WIPF1: variants seen among roughly 807,000 people sequenced by gnomAD.
WIPF1 encodes WAS/WASL interacting protein family member 1, also known as WAS/WASL-interacting protein family member 1.
Under a neutral mutation model 35.4 loss-of-function variants are expected in WIPF1, and 13 were observed. The ratio of observed to expected loss-of-function variants is 0.37; its 90% CI spans 0.24 to 0.58. The LOEUF (loss-of-function observed/expected upper bound fraction) is 0.58, where lower values mean the gene tolerates loss of function less well. Among genes scored for constraint, WIPF1 ranks in the 20% least tolerant of loss-of-function variants. The probability of loss-of-function intolerance (pLI) is 0.74; values close to 1 mark genes in which losing one functional copy is unlikely to be tolerated. For synonymous variants in WIPF1, 267 were observed against 266.3 expected (o/e 1.00, Z -0.02); for missense variants, 591 against 667.0 (o/e 0.89, Z 1.25).
At position 174,572,060 on chromosome 2, in the gene WIPF1, G is replaced by A. The variant is rs1338643106; in HGVS notation, c.745C>T (p.Arg249Trp). 3.2e-6 allele frequency: 5 copies of A among 1,553,456 alleles called. No homozygotes were observed. In the African/African-American group the frequency reaches 4.1e-5, roughly 13 times the overall value. ...PLSSSSPFSNRPPLPPTPSRA... is the reference protein window; with the variant it reads ...PLSSSSPFSNWPPLPPTPSRA... ...CTGGGGGTAGGCGGCAGGGGAGGCC[G>A]GTTGGAGAAGGGCGAGGAGGAGCTC... The change falls in exon 5 of 8, where the codon CGG becomes TGG. Residue 249 changes from arginine (R) to tryptophan (W), a missense_variant. Physicochemically the swap from Arg to Trp is moderately radical, Grantham distance 101. Transcript: ENST00000679041.
intron 1 of WIPF1, chr2:174,587,599 C>T (rs1184370770): frequency 6.6e-6 from 1 of 152,132 alleles, no homozygotes; most frequent in African/African-American, 2.4e-5. Context: ...TTTTAAATTC[C>T]ACAGCAGCAA....
At chr2:174,635,529 GT>G (rs1197924942) in intron 1 of WIPF1, among the ~76,000 whole-genome samples, 32 of 115,612 alleles carry the variant, frequency 2.8e-4, no homozygotes, top group Admixed American at 4.1e-4. Context: ...CCTTCTGTTT[GT>G]TTTTTTTTTT....
At position 174,572,062 on chromosome 2, in the gene WIPF1, T is replaced by G. The variant is rs766569549; in HGVS notation, c.743A>C (p.Asn248Thr). The change falls in exon 5 of 8, where the codon AAC becomes ACC. Residue 248 changes from asparagine to threonine, a missense_variant. By Grantham distance (65) the Asn-to-Thr change is moderately conservative. Around this residue, in one of 3 missense-constraint regions of WIPF1, gnomAD observed 471 missense variants for 501.1 expected, o/e 0.94. Transcript: ENST00000679041. ...SPLSSSSPFS[N>T]RPPLPPTPSR... ...GGGGGTAGGCGGCAGGGGAGGCCGG[T>G]TGGAGAAGGGCGAGGAGGAGCTCAA... 3.9e-6 allele frequency: 6 copies of G among 1,553,408 alleles called. No homozygotes were observed. In the African/African-American group the frequency reaches 5.5e-5, roughly 14 times the overall value.
At chr2:174,581,853 C>CGTAG (rs1358502946) in intron 2 of WIPF1, among the ~76,000 whole-genome samples, 4 of 152,178 alleles carry the variant, frequency 2.6e-5, no homozygotes, top group African/African-American at 9.7e-5. Flanking sequence ...TTTAGAACTA[C>CGTAG]CCCAGTGCAA....
At chr2:174,583,255 A>T (rs541913949) in intron 2 of WIPF1, among the ~76,000 whole-genome samples, 2 of 152,340 alleles carry the variant, frequency 1.3e-5, no homozygotes, top group Admixed American at 1.3e-4. Context: ...TTTTCAACTT[A>T]ACATACTTTG....
At chr2:174,564,660 TA>T (rs1246978066) in intron 7 of WIPF1, among the ~76,000 whole-genome samples, 1 of 152,126 alleles carries the variant, frequency 6.6e-6, no homozygotes, top group Non-Finnish European at 1.5e-5. Context: ...ATTACCAATT[TA>T]AAAATAGAAA....
intron 1 of WIPF1, among the ~76,000 whole-genome samples, chr2:174,680,665 T>C (rs1688227446): frequency 6.6e-6 from 1 of 152,164 alleles, no homozygotes; most frequent in Admixed American, 6.5e-5. Flanking sequence ...CAGTAATGAA[T>C]ACTGTCTGCT....
At chr2:174,648,742 C>G (rs1687471462) in intron 1 of WIPF1, among the ~76,000 whole-genome samples, 1 of 152,140 alleles carries the variant, frequency 6.6e-6, no homozygotes, top group Non-Finnish European at 1.5e-5. Context: ...GTCCAGTGTG[C>G]TATGGAATGT....
At chr2:174,574,145 AC>A (rs1221424518) in intron 4 of WIPF1, among the ~76,000 whole-genome samples, 1 of 151,644 alleles carries the variant, frequency 6.6e-6, no homozygotes, top group Admixed American at 6.6e-5. Context: ...GCCTGCCTTG[AC>A]CTGTGAAAGT....
intron 1 of WIPF1, among the ~76,000 whole-genome samples, chr2:174,645,857 T>C (rs1687398461): frequency 6.6e-6 from 1 of 152,246 alleles, no homozygotes; most frequent in South Asian, 2.1e-4. Context: ...CCTATATTCA[T>C]CTTTGTTGTT....
chr2:174,581,499 A>T, intron 2 of WIPF1, 60 bp from the exon 3 acceptor site: 2 of 1,584,844 alleles, frequency 1.3e-6, no homozygotes, highest in Non-Finnish European at 1.7e-6. Context: ...GCATTGTAAC[A>T]CTCGGCTGGG....
intron 1 of WIPF1, among the ~76,000 whole-genome samples, chr2:174,669,050 A>G (rs1310961298): frequency 6.6e-6 from 1 of 152,240 alleles, no homozygotes; most frequent in Non-Finnish European, 1.5e-5. Flanking sequence ...GTTCATTCAG[A>G]GCATTTAGAA....
intron 4 of WIPF1, 113 bp downstream of exon 4, chr2:174,575,091 A>T (rs1483460284): frequency 8.5e-7 from 1 of 1,181,168 alleles, no homozygotes; most frequent in Non-Finnish European, 1.2e-6. Flanking sequence ...AATATTTAAA[A>T]CAATGTACAA....
chr2:174,661,644 C>T (rs913422555), intron 1 of WIPF1, among the ~76,000 whole-genome samples: 1 of 152,192 alleles, frequency 6.6e-6, no homozygotes, highest in African/African-American at 2.4e-5. Flanking sequence ...CTTAATTTAC[C>T]TGCATAAGCA....
At chr2:174,676,044 C>T (rs1688122787) in intron 1 of WIPF1, among the ~76,000 whole-genome samples, 1 of 150,384 alleles carries the variant, frequency 6.6e-6, no homozygotes, top group Non-Finnish European at 1.5e-5. Context: ...ATCTCCCAGG[C>T]ACAAGCGATC....
intron 1 of WIPF1, among the ~76,000 whole-genome samples, chr2:174,603,958 G>A (rs1390628929): frequency 6.6e-6 from 1 of 152,058 alleles, no homozygotes; most frequent in African/African-American, 2.4e-5. Context: ...TTTTAAAGGA[G>A]GATTTATTTA....
At chr2:174,645,219 T>C (rs1227515075) in intron 1 of WIPF1, among the ~76,000 whole-genome samples, 1 of 152,274 alleles carries the variant, frequency 6.6e-6, no homozygotes, top group East Asian at 1.9e-4. Context: ...AAATATTATA[T>C]GTAATTATTC....
Position 174,561,953 on chromosome 2 carries a change from T to C in WIPF1, c.*594A>G. On this transcript the variant is annotated 3_prime_UTR_variant, in exon 8 of 8. Coordinates refer to ENST00000679041, the MANE Select transcript of WIPF1 (RefSeq NM_001375834.1). ...TACAGGTTGAAATATTTTGGATGCA[T>C]ATTAACTTCACTTGTTTAAAATATA... 1 of 1,080,102 alleles carries C rather than the reference T, an allele frequency of 9.3e-7. No individual in the cohort carries two copies. Among genetic ancestry groups the C allele is most frequent in the East Asian group, 2.6e-5 (1 of 37,968 alleles). The allele number at this position is 1,080,102 out of a possible 1,614,324, so 66.9% of individuals were successfully genotyped here. A position where few individuals can be genotyped will look rare whatever the true frequency, so the allele number is the denominator to read the frequency against.
chr2:174,647,699 T>C (rs1687440897), intron 1 of WIPF1, among the ~76,000 whole-genome samples: 1 of 144,564 alleles, frequency 6.9e-6, no homozygotes, highest in South Asian at 2.2e-4. Flanking sequence ...ATCTCCATGA[T>C]AAAAAAAAAT....
Sources: allele counts gnomAD v4.1 joint callset (sites outside exome capture counted in the v4.1 genomes callset), GRCh38; gene constraint gnomAD v4.1.1; regional missense constraint gnomAD v4.1.1; transcripts MANE v1.5; gene names NCBI Gene and HGNC (gene_info 2026-07-23, HGNC 2026-07-21).